Variants in DGKQ observed in about 807,000 individuals in gnomAD.
DGKQ encodes diacylglycerol kinase theta.
Under a neutral mutation model 104.2 loss-of-function variants are expected in DGKQ, and 97 were observed. The observed-to-expected ratio is 0.93, with a 90% CI of 0.79 to 1.10. DGKQ has a LOEUF of 1.10. Ranked by LOEUF, DGKQ falls within the 50% of genes least tolerant of loss-of-function variation. The pLI, the probability that DGKQ is intolerant of heterozygous loss-of-function variation, is 0.00. For synonymous variants in DGKQ, 736 were observed against 595.2 expected, an observed-to-expected ratio of 1.24 and a Z score of -3.44; for missense variants, 1,465 against 1,352.1, an observed-to-expected ratio of 1.08 and a Z score of -1.31.
At chr4:960,933 T>G (rs1383752070) in intron 22 of DGKQ, 116 bp downstream of exon 22, 14 of 1,524,468 alleles carry the variant, frequency 9.2e-6, no homozygotes, top group Non-Finnish European at 1.2e-5. Context: ...CCTCCCGGAG[T>G]CAGTGCTCCC....
In DGKQ at chr4:960,598, C is replaced by G. The variant is rs373939199; in HGVS notation, c.*22G>C. 1 of 1,601,604 alleles carries G rather than the reference C, an allele frequency of 6.2e-7. No homozygotes were observed. Among genetic ancestry groups the G allele is most frequent in the Non-Finnish European group, 8.5e-7 (1 of 1,172,162 alleles). ...TGGCGGGAGCAGAGATGGCTCGAGC[C>G]CTTGGGCTGCCCCAGCCACCCCTAC... On this transcript the variant is annotated 3_prime_UTR_variant, in exon 23 of 23. Transcript: ENST00000273814.
At chr4:972,737 C>T (rs1375476634) in intron 1 of DGKQ, among the ~76,000 whole-genome samples, 1 of 152,246 alleles carries the variant, frequency 6.6e-6, no homozygotes, top group South Asian at 2.1e-4. Flanking sequence ...TGTCCTCACC[C>T]CAGCAAGAGC....
Position 962,034 on chromosome 4 carries a change from T to C in DGKQ, c.2263A>G (p.Ser755Gly). The change falls in exon 19 of 23, where the codon AGC becomes GGC. Residue 755 changes from serine (S) to glycine (G), a missense_variant. Coordinates refer to ENST00000273814, the MANE Select transcript of DGKQ (RefSeq NM_001347.4). ...TCCCGTGCCTGGTGGAAGTCCAGGC[T>C]CAGCTCCGCGTCGATGCCAATGCCA... ...YCGIGIDAEL[S>G]LDFHQAREEE... The C allele has an allele frequency of 1.2e-6, 2 of 1,613,076 alleles. No homozygotes were observed. The highest frequency in any genetic ancestry group is 1.7e-6 in the Non-Finnish European group (2 of 1,179,950).
chr4:962,966 C>G, intron 16 of DGKQ, 46 bp from the exon 17 acceptor site: 1 of 1,569,184 alleles, frequency 6.4e-7, no homozygotes, highest in Non-Finnish European at 8.6e-7. Context: ...GGGCGCAGCC[C>G]ATCCCCCACC....
In DGKQ at chr4:961,539, G is replaced by A. The variant is rs763999519; in HGVS notation, c.2502C>T (p.Asp834=). The A allele has an allele frequency of 3.3e-5, 53 of 1,609,206 alleles. No individual in the cohort carries two copies. Among genetic ancestry groups the A allele is most frequent in the Non-Finnish European group, 4.3e-5 (51 of 1,178,710 alleles). ...SGADLWGSDS[D]TRFEKPRMDD... ...CCATGCGTGGCTTCTCAAACCTGGT[G>A]TCGCTGTCGGAGCCCCACAGGTCGG... The change falls in exon 21 of 23, where the codon GAC becomes GAT. Residue 834 remains aspartate (D), a synonymous_variant. Coordinates refer to ENST00000273814, the MANE Select transcript of DGKQ (RefSeq NM_001347.4).
chr4:970,675 C>G (rs761777170), intron 2 of DGKQ, among the ~76,000 whole-genome samples: 62 of 152,062 alleles, frequency 4.1e-4, no homozygotes, highest in Non-Finnish European at 8.8e-5. Context: ...GGAGCCCTCA[C>G]GCTGCATGTC....
chr4:968,601 C>T (rs1712662389), intron 3 of DGKQ, 37 bp from the exon 4 acceptor site: 1 of 1,549,592 alleles, frequency 6.5e-7, no homozygotes, highest in Admixed American at 1.9e-5. Context: ...TCTGCCGCCC[C>T]CGGAGGACCC....
At chr4:961,622 G>A (rs750447635) in intron 20 of DGKQ, 44 bp from the exon 21 acceptor site, 8 of 1,610,286 alleles carry the variant, frequency 5.0e-6, no homozygotes, top group African/African-American at 2.7e-5. Flanking sequence ...GTGCAGGCAG[G>A]ACGAGGGCTG....
At position 968,882 on chromosome 4, in the gene DGKQ, C is replaced by T. The variant is rs920307057; in HGVS notation, c.380G>A (p.Arg127Gln). ...RVPVAHCFGP[R>Q]GLHKRKFCAV... ...ACAGAACTTGCGCTTGTGGAGCCCC[C>T]GGGGGCCGAAGCAGTGGGCTACAGG... The change falls in exon 3 of 23, where the codon CGG becomes CAG. Residue 127 changes from arginine (R) to glutamine (Q), a missense_variant. Coordinates refer to ENST00000273814, the MANE Select transcript of DGKQ (RefSeq NM_001347.4). The T allele has an allele frequency of 1.7e-5, 27 of 1,600,148 alleles. No individual in the cohort carries two copies. Among genetic ancestry groups the T allele is most frequent in the Middle Eastern group, 1.7e-4 (1 of 6,000 alleles).
rs1490158685 is a variant in DGKQ at position 962,430 on chromosome 4, T to C, written c.2214+5A>G. The C allele has an allele frequency of 8.3e-6, 13 of 1,565,594 alleles. No individual in the cohort carries two copies. In the South Asian group the frequency reaches 9.2e-5, roughly 11 times the overall value. ...GAAGGCACCCCACGCCGGGCTGCCC[T>C]GTACCTTGGGGGGCTCTGCGTCTGC... On this transcript the variant is annotated splice_donor_5th_base_variant and intron_variant, in intron 18 of 22. Coordinates refer to ENST00000273814, the MANE Select transcript of DGKQ (RefSeq NM_001347.4).
At chr4:969,667 TGG>T in intron 2 of DGKQ, among the ~76,000 whole-genome samples, 1 of 150,678 alleles carries the variant, frequency 6.6e-6, no homozygotes, top group South Asian at 2.1e-4. Context: ...TGGAGTGCAG[TGG>T]CGTGATCTCG....
Position 973,467 on chromosome 4 carries a change from C to G in DGKQ, c.16G>C (p.Glu6Gln). The G allele has an allele frequency of 1.0e-6, 1 of 986,062 alleles. No homozygotes were observed. Among genetic ancestry groups the G allele is most frequent in the East Asian group, 1.1e-4 (1 of 8,900 alleles). The allele number at this position is 986,062 out of a possible 1,614,324, so 61.1% of individuals were successfully genotyped here. Reference sequence around the variant, plus strand: ...CCCAGCCAGGCGCGGGCCCCGGGCTCGGCCGCCGCCGCCATTCCCGGCCCG... The same window carrying G: ...CCCAGCCAGGCGCGGGCCCCGGGCTGGGCCGCCGCCGCCATTCCCGGCCCG... MAAAA[E>Q]PGARAWLGGG... Residue 6 changes from glutamate (E) to glutamine (Q), a missense_variant, in exon 1 of 23, where the codon GAG becomes CAG. Glu to Gln is a conservative substitution (Grantham distance 29). Transcript: ENST00000273814.
chr4:962,221 T>C, intron 18 of DGKQ, 139 bp from the exon 19 acceptor site: 3 of 888,402 alleles, frequency 3.4e-6, no homozygotes, highest in South Asian at 1.6e-5. Flanking sequence ...GAGGGCAGCA[T>C]GGGCAGGTCC....
In DGKQ at chr4:960,370, G is replaced by A. The variant is rs1004734585; in HGVS notation, c.*250C>T. The A allele has an allele frequency of 4.6e-5, 26 of 562,120 alleles. No homozygotes were observed. The highest frequency in any genetic ancestry group is 1.9e-4 in the African/African-American group (10 of 53,332). The allele number at this position is 562,120 out of a possible 1,614,324, so 34.8% of individuals were successfully genotyped here. A position where few individuals can be genotyped will look rare whatever the true frequency, so the allele number is the denominator to read the frequency against. On this transcript the variant is annotated 3_prime_UTR_variant, in exon 23 of 23. Coordinates refer to ENST00000273814, the MANE Select transcript of DGKQ (RefSeq NM_001347.4). ...ACCATCCAGAGCCCTGCGCCCACCC[G>A]GGACACGGGGTAACACTGCCACCCG...
chr4:973,184 C>A, intron 1 of DGKQ, 28 bp downstream of exon 1: 2 of 1,519,770 alleles, frequency 1.3e-6, no homozygotes, highest in South Asian at 1.2e-5. Context: ...GGGCTGCAGC[C>A]GGGTAGGCAT....
Position 973,222 on chromosome 4 carries a change from G to A in DGKQ, c.261C>T (p.Phe87=), listed in dbSNP as rs1201159762. 1.9e-6 allele frequency: 3 copies of A among 1,560,642 alleles called. No individual in the cohort carries two copies. Among genetic ancestry groups the A allele is most frequent in the Non-Finnish European group, 2.6e-6 (3 of 1,156,486 alleles). The change falls in exon 1 of 23, where the codon TTC becomes TTT. Residue 87 remains phenylalanine, a synonymous_variant. Coordinates refer to ENST00000273814, the MANE Select transcript of DGKQ (RefSeq NM_001347.4). ...CSDFIWGLAG[F]LCDVCNFMSH... is the part of the protein sequence containing the mutation. ...GGCCCGGGCGCTCACCGTCGCACAG[G>A]AAGCCGGCCAGCCCCCAGATGAAGT...
At chr4:960,902 G>C (rs1009705168) in intron 22 of DGKQ, 147 bp downstream of exon 22, 2 of 1,485,530 alleles carry the variant, frequency 1.3e-6, no homozygotes, top group Non-Finnish European at 9.0e-7. Flanking sequence ...CACTGGCACA[G>C]CCCTCCTCTG....
intron 18 of DGKQ, 54 bp from the exon 19 acceptor site, chr4:962,136 G>A (rs1435626085): frequency 6.8e-7 from 1 of 1,474,654 alleles, no homozygotes; most frequent in East Asian, 2.3e-5. Flanking sequence ...CAGGCCCCCT[G>A]AGCTCCCCAA....
In DGKQ at chr4:967,786, G is replaced by A. The variant is rs1441605878; in HGVS notation, c.828C>T (p.Gly276=). 3.1e-6 allele frequency: 5 copies of A among 1,603,736 alleles called. No homozygotes were observed. Among genetic ancestry groups the A allele is most frequent in the Non-Finnish European group, 4.3e-6 (5 of 1,175,854 alleles). The change falls in exon 7 of 23, where the codon GGC becomes GGT. Residue 276 remains glycine (G), a synonymous_variant. Coordinates refer to ENST00000273814, the MANE Select transcript of DGKQ (RefSeq NM_001347.4). The stretch of plus-strand genomic sequence containing the variant: ...GACCCACGGCAGCGCTCCCGTCGGC[G>A]CCGTCGCCCCCCTCGCCTGCGGGTC... ...EAAEPGEGGD[G]ADGSAAVGPG...
Sources: allele counts gnomAD v4.1 joint callset (sites outside exome capture counted in the v4.1 genomes callset), GRCh38; gene constraint gnomAD v4.1.1; transcripts MANE v1.5; gene names NCBI Gene and HGNC (gene_info 2026-07-23, HGNC 2026-07-21).